Variants in ZNF43 observed in about 807,000 individuals in gnomAD.
The protein encoded by ZNF43 is zinc finger protein 39-like 1 (KOX 27).
In ZNF43, 44 loss-of-function variants were observed where a neutral mutation model predicts 68.4. That is an observed-to-expected ratio of 0.64 (90% confidence interval 0.51 to 0.83). The LOEUF (loss-of-function observed/expected upper bound fraction) is 0.83, where lower values mean the gene tolerates loss of function less well. Ranked by LOEUF, ZNF43 falls within the 40% of genes least tolerant of loss-of-function variation. The pLI, the probability that ZNF43 is intolerant of heterozygous loss-of-function variation, is 0.00. For synonymous variants in ZNF43, 308 were observed against 307.8 expected, an observed-to-expected ratio of 1.00 and a Z score of -0.01; for missense variants, 896 against 933.2, an observed-to-expected ratio of 0.96 and a Z score of 0.52.
chr19:21,832,003 A>T (rs1241494360), intron 1 of ZNF43, among the ~76,000 whole-genome samples: 1 of 152,202 alleles, frequency 6.6e-6, no homozygotes, highest in African/African-American at 2.4e-5. Context: ...AAACTACCAA[A>T]AACATTCTTA....
chr19:21,848,656 C>T lies in ZNF43; in HGVS notation c.30+3249G>A, dbSNP rs115580388. ...ATTTTACCTTTGGGCTGGGACCAGA[C>T]AGGAAACTGAAATCACTCAGGTGCT... is the stretch of plus-strand genomic sequence containing the variant. On this transcript the variant is annotated intron_variant, in intron 1 of 3. Transcript: ENST00000357491. 5.7e-3 allele frequency among the ~76,000 whole-genome samples: 871 copies of T among 152,262 alleles called. 5 individuals are homozygous for T. The highest frequency in any genetic ancestry group is 0.02 in the African/African-American group (839 of 41,564).
intron 1 of ZNF43, among the ~76,000 whole-genome samples, chr19:21,845,098 A>C (rs550016215): frequency 1.3e-5 from 2 of 151,088 alleles, no homozygotes; most frequent in South Asian, 4.2e-4. Flanking sequence ...GGGATGCCTT[A>C]ACATCTCTTC....
At chr19:21,829,032 C>CA (rs551226809) in intron 1 of ZNF43, among the ~76,000 whole-genome samples, 4,155 of 38,740 alleles carry the variant, frequency 0.11, 780 homozygotes, top group East Asian at 0.16. Flanking sequence ...GACTCTGTCT[C>CA]AAAAAAAAAA....
Position 21,832,838 on chromosome 19 carries a change from G to A in ZNF43, c.3+3198C>T, listed in dbSNP as rs1338505176. Among the ~76,000 whole-genome samples, 3 of 152,114 alleles carry A rather than the reference G, an allele frequency of 2.0e-5. No individual in the cohort carries two copies. The East Asian group carries it at 5.8e-4, about 29-fold the overall frequency. On this transcript the variant is annotated intron_variant, in intron 1 of 3. Coordinates refer to ENST00000354959, the MANE Select transcript of ZNF43 (RefSeq NM_003423.4). Reference sequence around the variant, plus strand: ...CGAGATTGTGCCACTGCACTCTAGTGGGGCAACAGAGTGAGACTCCATGTC... The same window carrying A: ...CGAGATTGTGCCACTGCACTCTAGTAGGGCAACAGAGTGAGACTCCATGTC...
At chr19:21,850,068 C>A in intron 1 of ZNF43, 1 of 152,294 alleles carries the variant, frequency 6.6e-6, no homozygotes, top group Non-Finnish European at 1.5e-5. Flanking sequence ...AGGACACAGG[C>A]AGCAGAGTCA....
Position 21,809,827 on chromosome 19 carries a change from C to A in ZNF43, c.230-20G>T, listed in dbSNP as rs754435149. Reference sequence around the variant, plus strand: ...ACATAACTGAAAAAAATAAAAATAACAAATTATTCCACTTGCTAGACTCAG... The same window carrying A: ...ACATAACTGAAAAAAATAAAAATAAAAAATTATTCCACTTGCTAGACTCAG... On this transcript the variant is annotated intron_variant, in intron 3 of 3. Coordinates refer to ENST00000354959, the MANE Select transcript of ZNF43 (RefSeq NM_003423.4). 1 of 1,494,258 alleles carries A rather than the reference C, an allele frequency of 6.7e-7. No individual in the cohort carries two copies. The highest frequency in any genetic ancestry group is 1.5e-5 in the South Asian group (1 of 68,154). 92.6% of individuals were successfully genotyped at this position (1,494,258 alleles called of 1,614,324 possible).
At position 21,806,424 on chromosome 19, in the gene ZNF43, CAA is replaced by C. The variant is rs2036945607; in HGVS notation, c.*1181_*1182del. 6.6e-6 allele frequency: 1 copy of C among 152,198 alleles called. No homozygotes were observed. Among genetic ancestry groups the C allele is most frequent in the Non-Finnish European group, 1.5e-5 (1 of 68,046 alleles). The allele number at this position is 152,198 out of a possible 1,614,324, so 9.4% of individuals were successfully genotyped here. The stretch of plus-strand genomic sequence containing the variant: ...AGGTGATCCACCGGCCTCAGCCTCC[CAA>C]AGTGCTGGGATTATAGGCATGAGCC... On this transcript the variant is annotated 3_prime_UTR_variant, in exon 4 of 4. Coordinates refer to ENST00000354959, the MANE Select transcript of ZNF43 (RefSeq NM_003423.4).
At chr19:21,823,139 G>GT (rs78263313) in intron 1 of ZNF43, among the ~76,000 whole-genome samples, 3 of 151,914 alleles carry the variant, frequency 2.0e-5, no homozygotes, top group East Asian at 1.9e-4. Context: ...TAAAGCCAAA[G>GT]TTTTTTTTGC....
chr19:21,807,552 C>T lies in ZNF43; in HGVS notation c.*55G>A. ...CTTACCTACAATCAAGTGTGACAAC[C>T]ATGTAAAGCCTTTATCACATTCTTT... On this transcript the variant is annotated 3_prime_UTR_variant, in exon 4 of 4. Transcript: ENST00000354959. The T allele has an allele frequency of 7.1e-7, 1 of 1,418,096 alleles. No individual in the cohort carries two copies. Among genetic ancestry groups the T allele is most frequent in the South Asian group, 1.6e-5 (1 of 63,772 alleles). 87.8% of individuals were successfully genotyped at this position (1,418,096 alleles called of 1,614,324 possible). A position where few individuals can be genotyped will look rare whatever the true frequency, so the allele number is the denominator to read the frequency against.
At chr19:21,848,318 ATTGT>A (rs1185870344) in intron 1 of ZNF43, among the ~76,000 whole-genome samples, 2 of 151,482 alleles carry the variant, frequency 1.3e-5, no homozygotes, top group Non-Finnish European at 2.9e-5. Context: ...TAATTTTTGT[ATTGT>A]TTTAGTAGAG....
chr19:21,846,406 C>G (rs548915861), intron 1 of ZNF43, among the ~76,000 whole-genome samples: 14 of 152,308 alleles, frequency 9.2e-5, no homozygotes, highest in African/African-American at 3.4e-4. Context: ...AAGTCACTCT[C>G]TTTTCTGTTA....
chr19:21,848,542 G>C (rs1968119521), intron 1 of ZNF43, among the ~76,000 whole-genome samples: 1 of 152,176 alleles, frequency 6.6e-6, no homozygotes. Context: ...GCAGGATTCA[G>C]TACTATTTTA....
rs896514762 is a variant in ZNF43, at chr19:21,805,777, G to A, written c.*1830C>T. ...TAGAAAAATATTCTTTAACTTATTT[G>A]CAGTTGAAAGCCACTGGTGAAATAG... On this transcript the variant is annotated 3_prime_UTR_variant, in exon 4 of 4. Coordinates refer to ENST00000354959, the MANE Select transcript of ZNF43 (RefSeq NM_003423.4). 6.6e-6 allele frequency: 1 copy of A among 152,128 alleles called. No individual in the cohort carries two copies. The highest frequency in any genetic ancestry group is 1.5e-5 in the Non-Finnish European group (1 of 68,014). The allele number at this position is 152,128 out of a possible 1,614,324, so 9.4% of individuals were successfully genotyped here.
intron 3 of ZNF43, among the ~76,000 whole-genome samples, chr19:21,815,865 C>A (rs1458591754): frequency 6.6e-6 from 1 of 151,804 alleles, no homozygotes; most frequent in Non-Finnish European, 1.5e-5. Context: ...TATAGACCAA[C>A]CTGACTAACA....
chr19:21,814,447 G>A (rs2037425540), intron 3 of ZNF43, among the ~76,000 whole-genome samples: 1 of 146,274 alleles, frequency 6.8e-6, no homozygotes, highest in African/African-American at 2.5e-5. Context: ...GTCTTGCTCT[G>A]TCGCCCAGGC....
intron 1 of ZNF43, among the ~76,000 whole-genome samples, chr19:21,835,547 G>A (rs187911747): frequency 4.6e-5 from 7 of 151,556 alleles, no homozygotes; most frequent in African/African-American, 1.7e-4. Flanking sequence ...TAGTATAGAC[G>A]GGGTTCACCA....
At chr19:21,827,053 T>C (rs1398016514) in intron 1 of ZNF43, 1 of 151,156 alleles carries the variant, frequency 6.6e-6, no homozygotes, top group Non-Finnish European at 1.5e-5. Context: ...TTAGATTAGA[T>C]GAAAGATTGA....
intron 1 of ZNF43, among the ~76,000 whole-genome samples, chr19:21,844,395 CTG>C (rs1023701473): frequency 6.9e-6 from 1 of 144,354 alleles, no homozygotes; most frequent in Non-Finnish European, 1.5e-5. Flanking sequence ...ACAATTTCAT[CTG>C]TGTTTTTGGC....
chr19:21,828,979 G>A (rs1280855123), intron 1 of ZNF43, among the ~76,000 whole-genome samples: 4 of 131,232 alleles, frequency 3.0e-5, no homozygotes, highest in Non-Finnish European at 4.6e-5. Flanking sequence ...ATCGCAGTGA[G>A]CCAAAATGGC....
Sources: allele counts gnomAD v4.1 joint callset (sites outside exome capture counted in the v4.1 genomes callset), GRCh38; gene constraint gnomAD v4.1.1; transcripts MANE v1.5; gene names NCBI Gene and HGNC (gene_info 2026-07-23, HGNC 2026-07-21).